RAB30: variants seen among roughly 807,000 people sequenced by gnomAD.
The protein encoded by RAB30 is RAB30, member RAS oncogene family.
A neutral mutation model predicts 25.1 loss-of-function variants in RAB30; 9 were observed. The ratio of observed to expected loss-of-function variants is 0.36; its 90% CI spans 0.22 to 0.63. The LOEUF is 0.63. Among genes scored for constraint, RAB30 ranks in the 20% least tolerant of loss-of-function variants. RAB30 has a pLI of 0.69. For synonymous variants in RAB30, 77 were observed against 86.4 expected (o/e 0.89, Z 0.60); for missense variants, 140 against 243.5 (o/e 0.58, Z 2.83).
chr11:83,032,408 G>A (rs1422323385), intron 1 of RAB30, among the ~76,000 whole-genome samples: 1 of 152,106 alleles, frequency 6.6e-6, no homozygotes, highest in Non-Finnish European at 1.5e-5. Flanking sequence ...GAGGAAAGGG[G>A]GTATGATTTC....
chr11:83,071,666 A>G (rs1858851245), intron 1 of RAB30, 25 bp downstream of exon 1: 1 of 158,632 alleles, frequency 6.3e-6, no homozygotes, highest in Admixed American at 6.5e-5. Flanking sequence ...TGGTAGAAGC[A>G]TTTGAATAAA....
intron 1 of RAB30, among the ~76,000 whole-genome samples, chr11:83,060,844 C>A (rs774934681): frequency 6.6e-6 from 1 of 152,076 alleles, no homozygotes; most frequent in Non-Finnish European, 1.5e-5. Flanking sequence ...GAAGAACCAC[C>A]ACCAATGTTG....
In RAB30 at chr11:83,020,167, G is replaced by C. The variant is rs369744629; in HGVS notation, c.-8-22843C>G. Among the ~76,000 whole-genome samples, 4 of 152,328 alleles carry C rather than the reference G, an allele frequency of 2.6e-5. No individual in the cohort carries two copies. The East Asian group carries it at 7.7e-4, about 29-fold the overall frequency. On this transcript the variant is annotated intron_variant, in intron 1 of 4. Transcript: ENST00000527633. ...AGCAGGTAGAAGCCCCACCCTCTCG[G>C]GCACAGCTACAGCCACTCAAACCAC...
rs1362785138 is a variant in RAB30 at position 82,976,440 on chromosome 11, C to T, written c.*5725G>A. ...ATTTGTGGCATACTAGAACTCCTCA[C>T]ACCTAAACTAGTGTTTCCCCTTCTA... On this transcript the variant is annotated 3_prime_UTR_variant, in exon 5 of 5. Transcript: ENST00000527633. 6.6e-6 allele frequency: 1 copy of T among 152,194 alleles called. No individual in the cohort carries two copies. Among genetic ancestry groups the T allele is most frequent in the Admixed American group, 6.5e-5 (1 of 15,278 alleles). 9.4% of individuals were successfully genotyped at this position (152,194 alleles called of 1,614,324 possible).
chr11:83,014,678 G>GAAAGAAAGAA (rs757401421), intron 1 of RAB30, among the ~76,000 whole-genome samples: 128 of 142,008 alleles, frequency 9.0e-4, no homozygotes, highest in Non-Finnish European at 1.6e-3. Context: ...AAGAAAGAAA[G>GAAAGAAAGAA]AAAGAAAGAA....
intron 1 of RAB30, among the ~76,000 whole-genome samples, chr11:83,006,434 G>A (rs1254739413): frequency 6.6e-6 from 1 of 152,180 alleles, no homozygotes; most frequent in Non-Finnish European, 1.5e-5. Flanking sequence ...AAAGAATGGT[G>A]TGTTTACAGT....
chr11:82,977,248 A>G lies in RAB30; in HGVS notation c.*4917T>C, dbSNP rs1017189753. The stretch of plus-strand genomic sequence containing the variant: ...AATGGACCGACAAAGCAAGTCCAGC[A>G]TAGGGCATAATGGAGGGCCAGTCTC... On this transcript the variant is annotated 3_prime_UTR_variant, in exon 5 of 5. Transcript: ENST00000527633. The G allele has an allele frequency of 1.3e-5, 2 of 152,246 alleles. No homozygotes were observed. The highest frequency in any genetic ancestry group is 2.9e-5 in the Non-Finnish European group (2 of 68,036). 9.4% of individuals were successfully genotyped at this position (152,246 alleles called of 1,614,324 possible). A position where few individuals can be genotyped will look rare whatever the true frequency, so the allele number is the denominator to read the frequency against.
At chr11:83,021,387 G>A (rs1471921353) in intron 1 of RAB30, among the ~76,000 whole-genome samples, 1 of 152,198 alleles carries the variant, frequency 6.6e-6, no homozygotes, top group African/African-American at 2.4e-5. Flanking sequence ...CCCTCTTCTG[G>A]GCCCTGTGGT....
intron 1 of RAB30, among the ~76,000 whole-genome samples, chr11:83,029,054 G>T (rs916452091): frequency 6.6e-6 from 1 of 152,026 alleles, no homozygotes; most frequent in African/African-American, 2.4e-5. Flanking sequence ...CCTGGAGGAT[G>T]TCCTTCACTA....
chr11:82,991,724 C>G (rs1196989483), intron 3 of RAB30, among the ~76,000 whole-genome samples: 1 of 151,992 alleles, frequency 6.6e-6, no homozygotes, highest in Non-Finnish European at 1.5e-5. Context: ...GGGAGATGAG[C>G]CAACTGTCAC....
chr11:82,982,089 C>A lies in RAB30; in HGVS notation c.*76G>T. The stretch of plus-strand genomic sequence containing the variant: ...AAGGTCAGAGAGCGGGAGCCACAGT[C>A]ATCGCCAGATCTCCCCAGCATCTCA... On this transcript the variant is annotated 3_prime_UTR_variant, in exon 5 of 5. Transcript: ENST00000527633. 6.3e-7 allele frequency: 1 copy of A among 1,581,330 alleles called. No individual in the cohort carries two copies. The highest frequency in any genetic ancestry group is 8.6e-7 in the Non-Finnish European group (1 of 1,158,378).
chr11:82,987,756 G>A lies in RAB30; in HGVS notation c.192C>T (p.Asp64=). 1 of 1,607,388 alleles carries A rather than the reference G, an allele frequency of 6.2e-7. No individual in the cohort carries two copies. The highest frequency in any genetic ancestry group is 1.1e-5 in the South Asian group (1 of 90,506). Residue 64 remains aspartate (D), a synonymous_variant, in exon 4 of 5, where the codon GAC becomes GAT. Coordinates refer to ENST00000527633, the MANE Select transcript of RAB30 (RefSeq NM_001286060.2). The part of the protein sequence containing the change: ...NGEKVKLQIW[D]TAGQERFRSI... ...ACCGAAATCTCTCTTGACCTGCTGT[G>A]TCCCAGATCTGTAGCTGTAAAGGCA...
At chr11:83,011,703 C>G (rs1400548819) in intron 1 of RAB30, among the ~76,000 whole-genome samples, 1 of 152,204 alleles carries the variant, frequency 6.6e-6, no homozygotes, top group Non-Finnish European at 1.5e-5. Flanking sequence ...GAATATTTAA[C>G]TTTCTTTACA....
In RAB30 at chr11:82,973,757, T is replaced by A. The variant is rs1239975240; in HGVS notation, c.*8408A>T. ...GATTTGATTTGATTTGTCAGACTAA[T>A]TGTTTTTAAGAGAGATGTGAAAACA... On this transcript the variant is annotated 3_prime_UTR_variant, in exon 5 of 5. Coordinates refer to ENST00000527633, the MANE Select transcript of RAB30 (RefSeq NM_001286060.2). 1 of 152,218 alleles carries A rather than the reference T, an allele frequency of 6.6e-6. No individual in the cohort carries two copies. The highest frequency in any genetic ancestry group is 1.5e-5 in the Non-Finnish European group (1 of 68,020). 9.4% of individuals were successfully genotyped at this position (152,218 alleles called of 1,614,324 possible).
chr11:83,028,641 G>C (rs1255548948), intron 1 of RAB30, among the ~76,000 whole-genome samples: 1 of 152,104 alleles, frequency 6.6e-6, no homozygotes, highest in Non-Finnish European at 1.5e-5. Context: ...ATAAAGCAAT[G>C]CCTTTAAAAT....
intron 1 of RAB30, among the ~76,000 whole-genome samples, chr11:83,058,574 A>C (rs1858501667): frequency 6.6e-6 from 1 of 152,228 alleles, no homozygotes; most frequent in Admixed American, 6.5e-5. Context: ...TATCTTTGGC[A>C]GGAATGCCAC....
At chr11:82,997,097 T>C in intron 2 of RAB30, 127 bp downstream of exon 2, 1 of 749,160 alleles carries the variant, frequency 1.3e-6, no homozygotes, top group Non-Finnish European at 2.3e-6. Context: ...AAAGGGTGCA[T>C]CAGGAACTCA....
chr11:83,047,319 T>A (rs751092359), intron 1 of RAB30, among the ~76,000 whole-genome samples: 5 of 152,014 alleles, frequency 3.3e-5, no homozygotes, highest in Non-Finnish European at 7.4e-5. Context: ...CATGTAGCCA[T>A]CCCCTGAACA....
chr11:83,057,375 T>C (rs1858479245), intron 1 of RAB30, among the ~76,000 whole-genome samples: 2 of 152,316 alleles, frequency 1.3e-5, no homozygotes, highest in Non-Finnish European at 2.9e-5. Flanking sequence ...CTGTAGGACA[T>C]GAATTCCTTT....
Sources: gnomAD v4.1 joint callset for allele counts (sites outside exome capture counted in the v4.1 genomes callset) on GRCh38, gnomAD v4.1.1 for gene constraint, MANE v1.5 for transcripts, NCBI Gene and HGNC (gene_info 2026-07-23, HGNC 2026-07-21) for gene names.